Variants in TMEM87B observed in about 807,000 individuals in gnomAD.
TMEM87B encodes transmembrane protein 87B.
TMEM87B carries 83 observed loss-of-function variants against 80.3 expected under a neutral mutation model. The observed-to-expected ratio is 1.03, with a 90% CI of 0.87 to 1.24. The LOEUF (loss-of-function observed/expected upper bound fraction) is 1.24, where lower values mean the gene tolerates loss of function less well. Among genes scored for constraint, TMEM87B ranks in the 50% most tolerant of loss-of-function variants. The pLI, the probability that TMEM87B is intolerant of heterozygous loss-of-function variation, is 0.00. For missense variants in TMEM87B, 625 were observed against 674.4 expected (o/e 0.93, Z 0.81); for synonymous variants, 219 against 230.5 (o/e 0.95, Z 0.45).
chr2:112,073,545 A>G (rs1436625668), intron 4 of TMEM87B, among the ~76,000 whole-genome samples: 2 of 152,224 alleles, frequency 1.3e-5, no homozygotes, highest in Admixed American at 6.5e-5. Context: ...AGTATGTGCC[A>G]TGCAGAGATG....
At chr2:112,060,390 T>G (rs1354504032) in intron 2 of TMEM87B, among the ~76,000 whole-genome samples, 2 of 152,066 alleles carry the variant, frequency 1.3e-5, no homozygotes, top group African/African-American at 4.8e-5. Flanking sequence ...AATATATATA[T>G]AAACAACATA....
At position 112,055,757 on chromosome 2, in the gene TMEM87B, G is replaced by GT. The variant is rs1423576369; in HGVS notation, c.165+2dup. Reference sequence around the variant, plus strand: ...GCTCTGGTTAGAGACAGTCAACGACGTAAGTGGAGTGTCGGGACCCAGGCG... The same window carrying GT: ...GCTCTGGTTAGAGACAGTCAACGACGTTAAGTGGAGTGTCGGGACCCAGGCG... On this transcript the variant is annotated splice_donor_variant, in intron 1 of 18. Transcript: ENST00000283206. LOFTEE classifies it high-confidence loss of function. 11 of 1,476,648 alleles carry GT rather than the reference G, an allele frequency of 7.4e-6. No individual in the cohort carries two copies. Among genetic ancestry groups the GT allele is most frequent in the Non-Finnish European group, 9.9e-6 (11 of 1,116,478 alleles). 91.5% of individuals were successfully genotyped at this position (1,476,648 alleles called of 1,614,324 possible). A position where few individuals can be genotyped will look rare whatever the true frequency, so the allele number is the denominator to read the frequency against.
At chr2:112,090,513 A>G (rs1326821827) in intron 10 of TMEM87B, among the ~76,000 whole-genome samples, 3 of 151,942 alleles carry the variant, frequency 2.0e-5, no homozygotes, top group Admixed American at 6.6e-5. Flanking sequence ...TGCAGCCTCC[A>G]TCTCCTAGAC....
rs6738150 is a variant in TMEM87B, at chr2:112,071,810, C to T, written c.451-3102C>T. ...ACTTGATTGCTCTGGCCAGGACTTC[C>T]AATACCATGTTAAATAGGAGTGATG... On this transcript the variant is annotated intron_variant, in intron 4 of 18. Transcript: ENST00000283206. 8.2e-3 allele frequency among the ~76,000 whole-genome samples: 1,243 copies of T among 152,240 alleles called. 25 individuals carry two copies. The highest frequency in any genetic ancestry group is 0.028 in the African/African-American group (1,172 of 41,540).
intron 3 of TMEM87B, 122 bp downstream of exon 3, chr2:112,064,375 T>C: frequency 1.2e-6 from 1 of 817,784 alleles, no homozygotes; most frequent in Non-Finnish European, 1.9e-6. Context: ...TGCTACAGAT[T>C]AATTTTGGGA....
chr2:112,085,859 A>C (rs890485271), intron 8 of TMEM87B, 146 bp from the exon 9 acceptor site: 1 of 627,786 alleles, frequency 1.6e-6, no homozygotes, highest in Non-Finnish European at 2.7e-6. Flanking sequence ...TTCAAGCATC[A>C]GTTGGATTCA....
At chr2:112,062,807 T>C (rs1373864908) in intron 2 of TMEM87B, among the ~76,000 whole-genome samples, 1 of 152,188 alleles carries the variant, frequency 6.6e-6, no homozygotes, top group Non-Finnish European at 1.5e-5. Context: ...GTCTTTCTGC[T>C]TGTCTTCCAA....
chr2:112,111,615 C>G (rs1440351175), intron 17 of TMEM87B, among the ~76,000 whole-genome samples: 1 of 152,120 alleles, frequency 6.6e-6, no homozygotes, highest in Non-Finnish European at 1.5e-5. Flanking sequence ...CCAATACTAT[C>G]CAAAATTAAT....
In TMEM87B at chr2:112,057,788, C is replaced by CACCT. The variant is rs560722139; in HGVS notation, c.165+2034_165+2037dup. 2.4e-3 allele frequency among the ~76,000 whole-genome samples: 357 copies of CACCT among 150,746 alleles called. 1 individual carries two copies. The highest frequency in any genetic ancestry group is 3.2e-3 in the Non-Finnish European group (214 of 67,808). ...GATATTACTGGAGCACCAAGGGGGT[C>CACCT]ACCTAACCCTGCTTCCTGGAGGAGA... On this transcript the variant is annotated intron_variant, in intron 1 of 18. Coordinates refer to ENST00000283206, the MANE Select transcript of TMEM87B (RefSeq NM_032824.3).
At chr2:112,089,590 TTTC>T in intron 9 of TMEM87B, 32 bp from the exon 10 acceptor site, 5 of 1,606,076 alleles carry the variant, frequency 3.1e-6, no homozygotes, top group Non-Finnish European at 4.3e-6. Flanking sequence ...ACCCATGCTT[TTTC>T]TTCTTTCTCT....
At chr2:112,093,270 C>G (rs1200349578) in intron 11 of TMEM87B, among the ~76,000 whole-genome samples, 1 of 152,208 alleles carries the variant, frequency 6.6e-6, no homozygotes, top group African/African-American at 2.4e-5. Flanking sequence ...ATGCTTCCAA[C>G]TTAAAAAGCC....
At chr2:112,087,407 T>TC (rs5833432) in intron 9 of TMEM87B, among the ~76,000 whole-genome samples, 8,190 of 151,938 alleles carry the variant, frequency 0.054, 399 homozygotes, top group African/African-American at 0.13. Flanking sequence ...TTTTACCCCT[T>TC]TCTCTCAGAC....
At chr2:112,064,315 A>G in intron 3 of TMEM87B, 62 bp downstream of exon 3, 1 of 1,357,446 alleles carries the variant, frequency 7.4e-7, no homozygotes, top group Non-Finnish European at 1.0e-6. Flanking sequence ...GGGTATAAAG[A>G]TTAGCTCATC....
intron 4 of TMEM87B, among the ~76,000 whole-genome samples, chr2:112,069,549 T>G (rs971229342): frequency 6.6e-6 from 1 of 152,260 alleles, no homozygotes; most frequent in Admixed American, 6.5e-5. Flanking sequence ...TACCACATTT[T>G]CTTTATCCAG....
At chr2:112,076,868 G>C (rs1319587724) in intron 5 of TMEM87B, among the ~76,000 whole-genome samples, 2 of 147,594 alleles carry the variant, frequency 1.4e-5, no homozygotes, top group Non-Finnish European at 3.0e-5. Context: ...GTGTGTGTGT[G>C]TGTGTGTGTG....
intron 14 of TMEM87B, among the ~76,000 whole-genome samples, chr2:112,099,180 T>C (rs1055250781): frequency 6.6e-6 from 1 of 152,204 alleles, no homozygotes; most frequent in Non-Finnish European, 1.5e-5. Flanking sequence ...TCAGCTTCCT[T>C]GCTTTATCCC....
chr2:112,070,136 G>C (rs2104463032), intron 4 of TMEM87B, among the ~76,000 whole-genome samples: 1 of 151,834 alleles, frequency 6.6e-6, no homozygotes, highest in South Asian at 2.1e-4. Context: ...TTTTTATTCT[G>C]TTGATAGTTT....
At chr2:112,073,913 A>G (rs1471132318) in intron 4 of TMEM87B, among the ~76,000 whole-genome samples, 2 of 149,968 alleles carry the variant, frequency 1.3e-5, no homozygotes, top group African/African-American at 4.9e-5. Context: ...TAGGCCTGCA[A>G]CCTCTGCTTT....
chr2:112,102,099 A>G (rs1679645796), intron 15 of TMEM87B, among the ~76,000 whole-genome samples: 1 of 152,226 alleles, frequency 6.6e-6, no homozygotes, highest in African/African-American at 2.4e-5. Context: ...TGGAAGAAAT[A>G]TTCTAATTTT....
Sources: allele counts gnomAD v4.1 joint callset (sites outside exome capture counted in the v4.1 genomes callset), GRCh38; gene constraint gnomAD v4.1.1; transcripts MANE v1.5; gene names NCBI Gene and HGNC (gene_info 2026-07-23, HGNC 2026-07-21).